The following FAM184B variants were observed in gnomAD, a reference collection of about 807,000 sequenced individuals.
FAM184B encodes protein FAM184B.
A neutral mutation model predicts 135.9 loss-of-function variants in FAM184B; 111 were observed. The observed-to-expected ratio is 0.82, with a 90% CI of 0.70 to 0.96. The LOEUF (loss-of-function observed/expected upper bound fraction) is 0.96, where lower values mean the gene tolerates loss of function less well. Ranked by LOEUF, FAM184B falls within the 40% of genes least tolerant of loss-of-function variation. The probability of loss-of-function intolerance (pLI) is 0.00; values close to 1 mark genes in which losing one functional copy is unlikely to be tolerated. For synonymous variants in FAM184B, 552 were observed against 524.8 expected, an observed-to-expected ratio of 1.05 and a Z score of -0.71; for missense variants, 1,375 against 1,323.9, an observed-to-expected ratio of 1.04 and a Z score of -0.60.
At chr4:17,753,349 A>G (rs2108989303) in intron 1 of FAM184B, among the ~76,000 whole-genome samples, 1 of 152,380 alleles carries the variant, frequency 6.6e-6, no homozygotes, top group South Asian at 2.1e-4. Flanking sequence ...GCTTGAACTT[A>G]TAAGACCAAA....
intron 1 of FAM184B, among the ~76,000 whole-genome samples, chr4:17,758,216 T>C (rs891439697): frequency 3.9e-5 from 6 of 152,188 alleles, no homozygotes; most frequent in Non-Finnish European, 7.3e-5. Flanking sequence ...TTTACCCCTT[T>C]TGTCAGTACT....
intron 1 of FAM184B, among the ~76,000 whole-genome samples, chr4:17,734,251 C>T: frequency 6.6e-6 from 1 of 152,174 alleles, no homozygotes; most frequent in Non-Finnish European, 1.5e-5. Flanking sequence ...TAGGCAATAC[C>T]ATTCATGACA....
At chr4:17,694,522 C>A (rs1300081004) in intron 5 of FAM184B, among the ~76,000 whole-genome samples, 55 of 141,530 alleles carry the variant, frequency 3.9e-4, no homozygotes, top group East Asian at 1.0e-3. Flanking sequence ...GACTCCATCT[C>A]AAAAAAAAAA....
At chr4:17,714,756 C>T (rs546462827) in intron 1 of FAM184B, among the ~76,000 whole-genome samples, 1 of 152,162 alleles carries the variant, frequency 6.6e-6, no homozygotes, top group East Asian at 1.9e-4. Context: ...TTCCAAGGTG[C>T]CCACCCAAAA....
chr4:17,635,060 A>T lies in FAM184B; in HGVS notation c.2838T>A (p.Asn946Lys), dbSNP rs1715083374. ...GGTGAGGATTGAAAGAGAAAGACCG[A>T]TTCCGGTGGGACATGGCACTGGGGA... ...AAFPSAMSHRNRSFSFNPHPG... is the reference protein window; with the variant it reads ...AAFPSAMSHRKRSFSFNPHPG... The change falls in exon 16 of 18, where the codon AAT becomes AAA. Residue 946 changes from asparagine (N) to lysine (K), a missense_variant. By Grantham distance (94) the Asn-to-Lys change is moderately conservative (BLOSUM62 0). Coordinates refer to ENST00000265018, the MANE Select transcript of FAM184B (RefSeq NM_015688.2). 3 of 1,551,902 alleles carry T rather than the reference A, an allele frequency of 1.9e-6. No homozygotes were observed. The highest frequency in any genetic ancestry group is 2.6e-6 in the Non-Finnish European group (3 of 1,147,020).
rs1160276217 is a variant in FAM184B at position 17,709,089 on chromosome 4, G to T, written c.697C>A (p.Arg233=). 3 of 1,549,640 alleles carry T rather than the reference G, an allele frequency of 1.9e-6. No homozygotes were observed. In the East Asian group the frequency reaches 7.3e-5, roughly 38 times the overall value. ...ATYERENEAI[R]QAMQQSVSQA... ...CTCACCGACTGCTGCATGGCCTGCCGGATGGCCTCGTTTTCCCTCTCGTAG... is the reference window on the plus strand; with the variant it reads ...CTCACCGACTGCTGCATGGCCTGCCTGATGGCCTCGTTTTCCCTCTCGTAG... The change falls in exon 2 of 18, where the codon CGG becomes AGG. Residue 233 remains arginine (R), a synonymous_variant. Transcript: ENST00000265018.
chr4:17,762,202 T>C (rs1037693602), intron 1 of FAM184B, among the ~76,000 whole-genome samples: 31 of 152,180 alleles, frequency 2.0e-4, no homozygotes, highest in African/African-American at 7.0e-4. Context: ...AATGAGTAAA[T>C]GAACAAATTA....
Position 17,633,886 on chromosome 4 carries a change from T to C in FAM184B, c.2892A>G (p.Lys964=), listed in dbSNP as rs972445765. ...GGCTGGGCACGTCCTCCACCTTCTT[T>C]TTCTGTTTGTATTAATGGACAGGTT... ...HPGYLTPSMK[K]KKVEDVPSRV... The change falls in exon 17 of 18, where the codon AAA becomes AAG. Residue 964 remains lysine (K), a splice_region_variant and synonymous_variant. Coordinates refer to ENST00000265018, the MANE Select transcript of FAM184B (RefSeq NM_015688.2). The C allele has an allele frequency of 3.2e-6, 5 of 1,546,280 alleles. No individual in the cohort carries two copies. In the African/African-American group the frequency reaches 6.9e-5, roughly 21 times the overall value.
intron 1 of FAM184B, among the ~76,000 whole-genome samples, chr4:17,765,921 G>C (rs1718667230): frequency 6.6e-6 from 1 of 152,120 alleles, no homozygotes; most frequent in South Asian, 2.1e-4. Context: ...GAGTGTTACA[G>C]CTCTTAAAGC....
chr4:17,650,959 A>G (rs1000421668), intron 11 of FAM184B, among the ~76,000 whole-genome samples: 2 of 151,900 alleles, frequency 1.3e-5, no homozygotes, highest in African/African-American at 2.4e-5. Context: ...GTCTTGAACT[A>G]CTGACCTCAC....
At chr4:17,662,513 T>C (rs1034565242) in intron 8 of FAM184B, among the ~76,000 whole-genome samples, 1 of 152,050 alleles carries the variant, frequency 6.6e-6, no homozygotes, top group Non-Finnish European at 1.5e-5. Context: ...AATTTTTGTA[T>C]TTTTAGTAGC....
At position 17,742,248 on chromosome 4, in the gene FAM184B, G is replaced by A. The variant is rs148132472; in HGVS notation, c.142-32604C>T. 5.2e-3 allele frequency among the ~76,000 whole-genome samples: 779 copies of A among 149,968 alleles called. 8 individuals are homozygous for A. The highest frequency in any genetic ancestry group is 0.018 in the African/African-American group (736 of 40,698). ...TTTGGGAGGCCAAGACAAGAGGATC[G>A]CTTGAAGTCAGGAGTTTGAGACCAG... On this transcript the variant is annotated intron_variant, in intron 1 of 17. Transcript: ENST00000265018.
chr4:17,758,059 A>G (rs1372673976), intron 1 of FAM184B, among the ~76,000 whole-genome samples: 3 of 152,136 alleles, frequency 2.0e-5, no homozygotes, highest in Non-Finnish European at 4.4e-5. Context: ...AACTAATACT[A>G]TATTCTCACC....
At chr4:17,739,571 T>TTTTTTTTTTTTTTTTA (rs1717983878) in intron 1 of FAM184B, among the ~76,000 whole-genome samples, 12 of 143,636 alleles carry the variant, frequency 8.4e-5, no homozygotes, top group South Asian at 2.4e-4. Flanking sequence ...TTTTTTTTTT[T>TTTTTTTTTTTTTTTTA]GAGATGGGGT....
chr4:17,697,343 C>A (rs1716886822), intron 5 of FAM184B, among the ~76,000 whole-genome samples: 1 of 152,168 alleles, frequency 6.6e-6, no homozygotes, highest in East Asian at 1.9e-4. Flanking sequence ...CCAAGCCCAG[C>A]CTAGGCCAGT....
At position 17,652,839 on chromosome 4, in the gene FAM184B, G is replaced by A; in HGVS notation, c.2182C>T (p.Leu728=). ...ERERMQAQQA[L]LLESLRQELS... ...ACTATTGGGTGTATACCTAGCAGCA[G>A]GGCCTGCTGTGCCTGCATCCTCTCA... Residue 728 remains leucine (L), a synonymous_variant, in exon 11 of 18, where the codon CTG becomes TTG. Transcript: ENST00000265018. The A allele has an allele frequency of 6.4e-7, 1 of 1,551,142 alleles. No homozygotes were observed. The highest frequency in any genetic ancestry group is 8.7e-7 in the Non-Finnish European group (1 of 1,146,870).
chr4:17,647,624 CG>C lies in FAM184B; in HGVS notation c.2346+12del. On this transcript the variant is annotated intron_variant, in intron 12 of 17. Transcript: ENST00000265018. Reference sequence around the variant, plus strand: ...GGGAGGGGTATTGCTGGTGCAAGGGCGGGGGCACTGACCTCTGTGGCGATTA... The same window carrying C: ...GGGAGGGGTATTGCTGGTGCAAGGGCGGGGCACTGACCTCTGTGGCGATTA... 5 of 1,545,676 alleles carry C rather than the reference CG, an allele frequency of 3.2e-6. No homozygotes were observed. The highest frequency in any genetic ancestry group is 4.4e-6 in the Non-Finnish European group (5 of 1,143,676).
Position 17,675,539 on chromosome 4 carries a change from C to G in FAM184B, c.1597-10880G>C, listed in dbSNP as rs188490874. ...AGTCACTAGCTTTATTATCTCCTAA[C>G]GAGAGAGTCAGCCTGTCCTTTGAAG... On this transcript the variant is annotated intron_variant, in intron 7 of 17. Transcript: ENST00000265018. Among the ~76,000 whole-genome samples, 416 of 152,294 alleles carry G rather than the reference C, an allele frequency of 2.7e-3. 1 individual carries two copies. Among genetic ancestry groups the G allele is most frequent in the African/African-American group, 8.8e-3 (366 of 41,548 alleles).
intron 7 of FAM184B, among the ~76,000 whole-genome samples, chr4:17,679,430 C>A (rs1038106002): frequency 1.3e-5 from 2 of 152,162 alleles, no homozygotes; most frequent in African/African-American, 4.8e-5. Context: ...TGCTCAACAT[C>A]ACTAATGATC....
Sources: gnomAD v4.1 joint callset for allele counts (sites outside exome capture counted in the v4.1 genomes callset) on GRCh38, gnomAD v4.1.1 for gene constraint, MANE v1.5 for transcripts, NCBI Gene and HGNC (gene_info 2026-07-23, HGNC 2026-07-21) for gene names.